The following PPP1R37 variants were observed in gnomAD, a reference collection of about 807,000 sequenced individuals.
PPP1R37 encodes the protein leucine rich repeat containing 68.
In PPP1R37, 21 loss-of-function variants were observed where a neutral mutation model predicts 61.0. The ratio of observed to expected loss-of-function variants is 0.34; its 90% confidence interval spans 0.24 to 0.50. The LOEUF (loss-of-function observed/expected upper bound fraction) is 0.50. PPP1R37 is among the 20% of genes least tolerant of loss of function. The pLI, the probability that PPP1R37 is intolerant of heterozygous loss-of-function variation, is 0.98. For missense variants in PPP1R37, 910 were observed against 952.7 expected (o/e 0.96, Z 0.59); for synonymous variants, 443 against 433.5 (o/e 1.02, Z -0.27).
intron 1 of PPP1R37, among the ~76,000 whole-genome samples, chr19:45,125,331 C>G (rs1461476187): frequency 6.6e-6 from 1 of 151,728 alleles, no homozygotes; most frequent in Non-Finnish European, 1.5e-5. Context: ...GGTGTGGTGG[C>G]GCGTGCCTGT....
intron 1 of PPP1R37, among the ~76,000 whole-genome samples, chr19:45,105,644 G>A (rs79736061): frequency 0.14 from 21,594 of 152,128 alleles, 1,700 homozygotes; most frequent in Non-Finnish European, 0.17. Context: ...TTCTCACTCT[G>A]TGTTCTGTAA....
intron 1 of PPP1R37, among the ~76,000 whole-genome samples, chr19:45,101,378 G>C (rs1001599318): frequency 3.9e-5 from 6 of 152,206 alleles, no homozygotes; most frequent in African/African-American, 1.4e-4. Flanking sequence ...AGACTGCTGT[G>C]TGGGGCCTTA....
chr19:45,103,862 T>C (rs774637937), intron 1 of PPP1R37, among the ~76,000 whole-genome samples: 2 of 152,120 alleles, frequency 1.3e-5, no homozygotes, highest in African/African-American at 2.4e-5. Flanking sequence ...AGCTGAGTTA[T>C]AGCCCGGCAG....
rs1238439839 is a variant in PPP1R37 at position 45,145,122 on chromosome 19, T to C, written c.1158T>C (p.Ala386=). 2 of 1,533,606 alleles carry C rather than the reference T, an allele frequency of 1.3e-6. No individual in the cohort carries two copies. The highest frequency in any genetic ancestry group is 2.8e-5 in the African/African-American group (2 of 72,652). 95.0% of individuals were successfully genotyped at this position (1,533,606 alleles called of 1,614,324 possible). The change falls in exon 10 of 13, where the codon GCT becomes GCC. Residue 386 remains alanine, a synonymous_variant. Coordinates refer to ENST00000221462, the MANE Select transcript of PPP1R37 (RefSeq NM_019121.2). ...EGAVAVAEFI[A]ESPRLLRLDL... is the part of the protein sequence containing the mutation. ...CGGTGGCGGTGGCGGAGTTCATCGC[T>C]GAGAGCCCCCGCCTCCTGAGACTGG...
At chr19:45,113,012 CTG>C (rs1041685358) in intron 1 of PPP1R37, among the ~76,000 whole-genome samples, 1 of 152,192 alleles carries the variant, frequency 6.6e-6, no homozygotes, top group African/African-American at 2.4e-5. Context: ...GTGCTGGGCT[CTG>C]TGGCAGAGGG....
intron 1 of PPP1R37, among the ~76,000 whole-genome samples, chr19:45,127,326 T>G (rs1420392277): frequency 3.3e-5 from 4 of 122,368 alleles, no homozygotes; most frequent in Non-Finnish European, 6.4e-5. Context: ...CACTCCAGCC[T>G]GGGCAAGAAG....
chr19:45,143,489 C>G, intron 7 of PPP1R37, 32 bp from the exon 8 acceptor site: 1 of 1,387,524 alleles, frequency 7.2e-7, no homozygotes, highest in Non-Finnish European at 9.9e-7. Flanking sequence ...ACCCGGACCC[C>G]AGACAGGGCT....
chr19:45,138,483 A>C (rs1307164578), intron 1 of PPP1R37, 31 bp from the exon 2 acceptor site: 7 of 1,503,572 alleles, frequency 4.7e-6, no homozygotes, highest in Non-Finnish European at 6.3e-6. Flanking sequence ...GGGTGTGGAC[A>C]GTCACAGGCC....
chr19:45,111,950 G>T (rs148158554), intron 1 of PPP1R37, among the ~76,000 whole-genome samples: 1,938 of 151,994 alleles, frequency 0.013, 14 homozygotes, highest in Admixed American at 0.019. Flanking sequence ...GAAATTCCTG[G>T]GTCTTGGTTT....
At chr19:45,109,848 C>T (rs1255502905) in intron 1 of PPP1R37, among the ~76,000 whole-genome samples, 3 of 152,164 alleles carry the variant, frequency 2.0e-5, no homozygotes, top group Admixed American at 6.5e-5. Flanking sequence ...GAGGATCTGT[C>T]GCCCACCTGC....
intron 1 of PPP1R37, among the ~76,000 whole-genome samples, chr19:45,103,059 T>C (rs1362573598): frequency 2.0e-5 from 3 of 152,172 alleles, no homozygotes; most frequent in African/African-American, 7.2e-5. Flanking sequence ...AGTAGGAAGG[T>C]CCATGAAGGC....
At chr19:45,104,368 G>T (rs1375191475) in intron 1 of PPP1R37, among the ~76,000 whole-genome samples, 2 of 152,204 alleles carry the variant, frequency 1.3e-5, no homozygotes, top group Non-Finnish European at 2.9e-5. Flanking sequence ...GCAAAGTGGG[G>T]TTGCTTATGA....
At position 45,142,299 on chromosome 19, in the gene PPP1R37, C is replaced by G; in HGVS notation, c.719-4C>G. ...CAGTCACCGTGCCCCCTCCCCGTCC[C>G]CAGCCACGGCCCTGAAGATGAACAT... On this transcript the variant is annotated splice_polypyrimidine_tract_variant and splice_region_variant and intron_variant, in intron 6 of 12. Coordinates refer to ENST00000221462, the MANE Select transcript of PPP1R37 (RefSeq NM_019121.2). 6.5e-7 allele frequency: 1 copy of G among 1,535,922 alleles called. No homozygotes were observed. The highest frequency in any genetic ancestry group is 8.7e-7 in the Non-Finnish European group (1 of 1,146,792).
rs1310789952 is a variant in PPP1R37, at chr19:45,121,641, G to A, written c.203-16873G>A. Among the ~76,000 whole-genome samples, 1 of 152,232 alleles carries A rather than the reference G, an allele frequency of 6.6e-6. No individual in the cohort carries two copies. The highest frequency in any genetic ancestry group is 1.9e-4 in the East Asian group (1 of 5,188). On this transcript the variant is annotated intron_variant, in intron 1 of 12. Coordinates refer to ENST00000221462, the MANE Select transcript of PPP1R37 (RefSeq NM_019121.2). The surrounding 1 kb of genome is among the most constrained non-coding windows in gnomAD (Gnocchi z 4.2). ...AGAGATGTGTGGGCAGCTGTGTGCA[G>A]TGTATACAGGGAGTCCAGGGGCTGG...
chr19:45,115,701 G>T (rs2004357), intron 1 of PPP1R37, among the ~76,000 whole-genome samples: 22 of 152,100 alleles, frequency 1.4e-4, no homozygotes, highest in Non-Finnish European at 3.1e-4. Context: ...GCGGCCAGGC[G>T]CAGTGGCTCA....
rs551779464 is a variant in PPP1R37 at position 45,128,654 on chromosome 19, C to A, written c.203-9860C>A. On this transcript the variant is annotated intron_variant, in intron 1 of 12. Transcript: ENST00000221462. ...AGTGCTCAGCATTATGTAACACTGG[C>A]TTCGTGGTGCTCAAAGGCTGGCCCT... 8.1e-6 allele frequency: 10 copies of A among 1,233,760 alleles called. No individual in the cohort carries two copies. The South Asian group carries it at 9.8e-5, about 12-fold the overall frequency. 76.4% of individuals were successfully genotyped at this position (1,233,760 alleles called of 1,614,324 possible).
chr19:45,120,755 G>A (rs895142374), intron 1 of PPP1R37, among the ~76,000 whole-genome samples: 1 of 152,088 alleles, frequency 6.6e-6, no homozygotes, highest in South Asian at 2.1e-4. Flanking sequence ...TGGGATTATA[G>A]GCACCCGCTA....
In PPP1R37 at chr19:45,142,363, A is replaced by G. The variant is rs1277677371; in HGVS notation, c.779A>G (p.Asn260Ser). ...CTGTACCTGGCGGACAACAAGCTCA[A>G]CGGCCTGCAGGACTCGGCCCAGCTG... is the stretch of plus-strand genomic sequence containing the variant. Reference protein sequence around the residue: ...RELYLADNKLNGLQDSAQLGN... With the variant: ...RELYLADNKLSGLQDSAQLGN... Residue 260 changes from asparagine to serine, a missense_variant, in exon 7 of 13, where the codon AAC becomes AGC. Physicochemically the swap from Asn to Ser is conservative, Grantham distance 46. Coordinates refer to ENST00000221462, the MANE Select transcript of PPP1R37 (RefSeq NM_019121.2). 29 of 1,535,954 alleles carry G rather than the reference A, an allele frequency of 1.9e-5. No individual in the cohort carries two copies. Among genetic ancestry groups the G allele is most frequent in the Admixed American group, 1.2e-4 (6 of 50,968 alleles).
At chr19:45,141,497 C>T (rs759911734) in intron 5 of PPP1R37, 56 bp downstream of exon 5, 2 of 1,507,080 alleles carry the variant, frequency 1.3e-6, no homozygotes, top group Non-Finnish European at 1.8e-6. Context: ...CACGGGGAGG[C>T]ACTTTCTCAG....
Sources: gnomAD v4.1 joint callset for allele counts (sites outside exome capture counted in the v4.1 genomes callset) on GRCh38, gnomAD v4.1.1 for gene constraint, Gnocchi (gnomAD v3.1) non-coding constraint, MANE v1.5 for transcripts, NCBI Gene and HGNC (gene_info 2026-07-23, HGNC 2026-07-21) for gene names.